GFPT1: variants seen among roughly 807,000 people sequenced by gnomAD.
GFPT1 encodes the protein glutamine--fructose-6-phosphate transaminase 1.
A neutral mutation model predicts 92.0 loss-of-function variants in GFPT1; 40 were observed. That is an observed-to-expected ratio of 0.43 (90% CI 0.34 to 0.57). The LOEUF is 0.57. Among genes scored for constraint, GFPT1 ranks in the 20% least tolerant of loss-of-function variants. GFPT1 has a pLI of 0.02. For synonymous variants in GFPT1, 269 were observed against 280.6 expected (o/e 0.96, Z 0.41); for missense variants, 448 against 869.1 (o/e 0.52, Z 6.09).
At chr2:69,362,557 G>C (rs182432309) in intron 4 of GFPT1, among the ~76,000 whole-genome samples, 1 of 152,120 alleles carries the variant, frequency 6.6e-6, no homozygotes, top group Non-Finnish European at 1.5e-5. Flanking sequence ...CAGCACTTTA[G>C]GAGGCTGAGG....
intron 15 of GFPT1, among the ~76,000 whole-genome samples, chr2:69,330,578 T>TAA (rs768965445): frequency 2.3e-5 from 3 of 130,662 alleles, no homozygotes; most frequent in Non-Finnish European, 5.0e-5. Flanking sequence ...AAGTTTGCAT[T>TAA]AAAAAAAAAA....
Position 69,369,286 on chromosome 2 carries a change from A to C in GFPT1, c.223+715T>G, listed in dbSNP as rs544325338. ...AAATCCATCATTTTCCTCTACCTGT[A>C]CTCTTTTACAATGATTATGATGGCA... is the stretch of plus-strand genomic sequence containing the variant. On this transcript the variant is annotated intron_variant, in intron 3 of 19. Coordinates refer to ENST00000357308, the MANE Select transcript of GFPT1 (RefSeq NM_001244710.2). 2.0e-5 allele frequency among the ~76,000 whole-genome samples: 3 copies of C among 152,062 alleles called. No individual in the cohort carries two copies. In the East Asian group the frequency reaches 5.8e-4, roughly 29 times the overall value.
At position 69,354,346 on chromosome 2, in the gene GFPT1, T is replaced by C. The variant is rs141589776; in HGVS notation, c.686-34A>G. ...ACACAACAGAAAAAAATTCTAATCA[T>C]CAGAGAACTCACAAAAACAAATCTT... On this transcript the variant is annotated intron_variant, in intron 8 of 19. Transcript: ENST00000357308. 5.9e-4 allele frequency: 899 copies of C among 1,531,264 alleles called. 8 individuals carry two copies. In the African/African-American group the frequency reaches 0.01, roughly 18 times the overall value. The allele number at this position is 1,531,264 out of a possible 1,614,324, so 94.9% of individuals were successfully genotyped here. A position where few individuals can be genotyped will look rare whatever the true frequency, so the allele number is the denominator to read the frequency against.
intron 4 of GFPT1, among the ~76,000 whole-genome samples, chr2:69,360,439 A>G (rs1558763156): frequency 9.5e-6 from 1 of 105,756 alleles, no homozygotes; most frequent in East Asian, 2.2e-4. Flanking sequence ...AAATTATCAA[A>G]ATATTTTTTT....
At chr2:69,343,600 G>A (rs548261855) in intron 12 of GFPT1, among the ~76,000 whole-genome samples, 6 of 151,838 alleles carry the variant, frequency 4.0e-5, no homozygotes, top group African/African-American at 1.5e-4. Context: ...TTTTAGTAGA[G>A]AGGGTTTCAC....
intron 10 of GFPT1, among the ~76,000 whole-genome samples, chr2:69,349,000 T>G (rs957271304): frequency 2.0e-5 from 3 of 152,146 alleles, no homozygotes; most frequent in African/African-American, 7.2e-5. Context: ...AGAATGAATG[T>G]TCCTCCCTCT....
At chr2:69,353,934 AT>A (rs1296483635) in intron 9 of GFPT1, among the ~76,000 whole-genome samples, 5 of 152,218 alleles carry the variant, frequency 3.3e-5, no homozygotes, top group African/African-American at 1.2e-4. Flanking sequence ...TCAATCTATA[AT>A]AACCTAGCAC....
In GFPT1 at chr2:69,338,473, A is replaced by G. The variant is rs759523230; in HGVS notation, c.1296T>C (p.Asp432=). Residue 432 remains aspartate (D), a synonymous_variant, in exon 14 of 20, where the codon GAT becomes GAC. Coordinates refer to ENST00000357308, the MANE Select transcript of GFPT1 (RefSeq NM_001244710.2). ...ATTGACTAAGGAAAAAGCAAACATCATCTCGAAAGACTGGTGTGTTTCTGT... is the reference window on the plus strand; with the variant it reads ...ATTGACTAAGGAAAAAGCAAACATCGTCTCGAAAGACTGGTGTGTTTCTGT... ...FLDRNTPVFR[D]DVCFFLSQSG... The G allele has an allele frequency of 3.1e-6, 5 of 1,613,508 alleles. No individual in the cohort carries two copies. The East Asian group carries it at 1.1e-4, about 36-fold the overall frequency.
intron 3 of GFPT1, among the ~76,000 whole-genome samples, chr2:69,368,178 C>A (rs1574078868): frequency 6.6e-6 from 1 of 152,174 alleles, no homozygotes; most frequent in Non-Finnish European, 1.5e-5. Context: ...GTCAGGAGAT[C>A]GAGACTATCC....
intron 1 of GFPT1, among the ~76,000 whole-genome samples, chr2:69,374,419 T>C (rs1169638777): frequency 6.6e-6 from 1 of 151,888 alleles, no homozygotes; most frequent in Non-Finnish European, 1.5e-5. Flanking sequence ...GTTCACACCA[T>C]TCTCCTGCCT....
At chr2:69,343,585 T>C (rs1244161694) in intron 12 of GFPT1, among the ~76,000 whole-genome samples, 2 of 151,976 alleles carry the variant, frequency 1.3e-5, no homozygotes, top group Non-Finnish European at 2.9e-5. Context: ...CTAATTTTTT[T>C]CTATTTTTAG....
intron 4 of GFPT1, among the ~76,000 whole-genome samples, chr2:69,360,534 G>A (rs1341014798): frequency 2.0e-5 from 3 of 151,248 alleles, no homozygotes; most frequent in Non-Finnish European, 4.4e-5. Context: ...AAACTCCTGG[G>A]CTCAGGTGAT....
At position 69,366,620 on chromosome 2, in the gene GFPT1, A is replaced by G. The variant is rs192909727; in HGVS notation, c.224-2950T>C. Among the ~76,000 whole-genome samples the G allele has an allele frequency of 2.6e-3, 401 of 152,296 alleles. 2 individuals are homozygous for G. The highest frequency in any genetic ancestry group is 9.1e-3 in the African/African-American group (377 of 41,572). On this transcript the variant is annotated intron_variant, in intron 3 of 19. Coordinates refer to ENST00000357308, the MANE Select transcript of GFPT1 (RefSeq NM_001244710.2). ...CAATCCAGTTCCCTGACAGTTCATC[A>G]TATCTTTTCTATTCTCCATAAAGCT...
chr2:69,348,342 G>C lies in GFPT1; in HGVS notation c.846-8C>G. ...GTGTGTTCTATGACAGCACTATAAA[G>C]TTTTCAAGGAGATATTACAATCGAT... is the stretch of plus-strand genomic sequence containing the variant. On this transcript the variant is annotated splice_region_variant and splice_polypyrimidine_tract_variant and intron_variant, in intron 10 of 19. Transcript: ENST00000357308. The C allele has an allele frequency of 6.2e-7, 1 of 1,603,108 alleles. No individual in the cohort carries two copies. Among genetic ancestry groups the C allele is most frequent in the Non-Finnish European group, 8.5e-7 (1 of 1,170,008 alleles).
At chr2:69,358,707 A>C (rs1300197887) in intron 5 of GFPT1, among the ~76,000 whole-genome samples, 1 of 152,192 alleles carries the variant, frequency 6.6e-6, no homozygotes, top group Non-Finnish European at 1.5e-5. Context: ...TGGCTATTTC[A>C]ATTTAATTAA....
At chr2:69,368,164 C>T (rs918095919) in intron 3 of GFPT1, among the ~76,000 whole-genome samples, 49 of 152,276 alleles carry the variant, frequency 3.2e-4, no homozygotes, top group African/African-American at 1.1e-3. Context: ...GGGCAGATCA[C>T]GAGGTCAGGA....
At chr2:69,333,982 C>G (rs1416279663) in intron 15 of GFPT1, among the ~76,000 whole-genome samples, 2 of 152,052 alleles carry the variant, frequency 1.3e-5, no homozygotes, top group African/African-American at 2.4e-5. Context: ...AAGGTGACAC[C>G]CAGTCTCTAC....
intron 19 of GFPT1, among the ~76,000 whole-genome samples, chr2:69,326,511 G>A (rs551822750): frequency 1.3e-5 from 2 of 152,138 alleles, no homozygotes; most frequent in African/African-American, 4.8e-5. Flanking sequence ...CCCTCATAGG[G>A]GACACTAAAA....
At chr2:69,352,532 G>A (rs1671232453) in intron 9 of GFPT1, among the ~76,000 whole-genome samples, 1 of 130,442 alleles carries the variant, frequency 7.7e-6, no homozygotes, top group African/African-American at 3.0e-5. Context: ...ACACTCGCTT[G>A]AACCCGGGAG....
Sources: gnomAD v4.1 joint callset for allele counts (sites outside exome capture counted in the v4.1 genomes callset) on GRCh38, gnomAD v4.1.1 for gene constraint, MANE v1.5 for transcripts, NCBI Gene and HGNC (gene_info 2026-07-23, HGNC 2026-07-21) for gene names.